MSN: variants seen among roughly 807,000 people sequenced by gnomAD.
MSN encodes moesin, also known as epididymis luminal protein 70.
MSN carries 2 observed loss-of-function variants against 48.0 expected under a neutral mutation model. The ratio of observed to expected loss-of-function variants is 0.04; its 90% CI spans 0.02 to 0.13. The LOEUF (loss-of-function observed/expected upper bound fraction) is 0.13, where lower values mean the gene tolerates loss of function less well. Ranked by LOEUF, MSN falls within the 10% of genes least tolerant of loss-of-function variation. The pLI is 1.00. For synonymous variants in MSN, 146 were observed against 166.9 expected, an observed-to-expected ratio of 0.87 and a Z score of 0.97; for missense variants, 267 against 470.1, an observed-to-expected ratio of 0.57 and a Z score of 3.99.
intron 1 of MSN, among the ~76,000 whole-genome samples, chrX:65,636,397 C>T (rs1288703910): frequency 9.0e-6 from 1 of 111,416 alleles, no homozygotes; most frequent in African/African-American, 3.3e-5. Flanking sequence ...CTCTTTGTCT[C>T]GTCCTCTCTC....
chrX:65,628,547 C>T (rs1410924137), intron 1 of MSN, among the ~76,000 whole-genome samples: 1 of 111,582 alleles, frequency 9.0e-6, no homozygotes, highest in Non-Finnish European at 1.9e-5. Context: ...CCACTTTTTC[C>T]TCCTCGGCCT....
At chrX:65,707,594 G>A (rs778007388) in intron 1 of MSN, among the ~76,000 whole-genome samples, 1 of 112,068 alleles carries the variant, frequency 8.9e-6, no homozygotes, top group Non-Finnish European at 1.9e-5. Context: ...CTGTATTCCT[G>A]TCAAACTGAA....
Position 65,735,428 on chromosome X carries a change from G to A in MSN, c.957G>A (p.Glu319=), listed in dbSNP as rs183569143. Reference sequence around the variant, plus strand: ...AGGAGAAGCACCAGAAGCAGATGGAGCGGTAGGTGCTGCACACTGATGTGG... The same window carrying A: ...AGGAGAAGCACCAGAAGCAGATGGAACGGTAGGTGCTGCACACTGATGTGG... ...AREEKHQKQM[E]RAMLENEKKK... Residue 319 remains glutamate, a splice_region_variant and synonymous_variant, in exon 8 of 13, where the codon GAG becomes GAA. Coordinates refer to ENST00000360270, the MANE Select transcript of MSN (RefSeq NM_002444.3). 1.7e-6 allele frequency: 2 copies of A among 1,200,912 alleles called. No homozygotes were observed. The highest frequency in any genetic ancestry group is 4.5e-5 in the Admixed American group (2 of 44,927).
At position 65,741,643 on chromosome X, in the gene MSN, AC is replaced by A; in HGVS notation, c.*1756del. On this transcript the variant is annotated 3_prime_UTR_variant, in exon 13 of 13. Coordinates refer to ENST00000360270, the MANE Select transcript of MSN (RefSeq NM_002444.3). ...CCTCCCTCAATTCCCCCTGGCCACC[AC>A]CCCCCACTCTGTGCCTGACCTTGAG... 2 of 168,321 alleles carry A rather than the reference AC, an allele frequency of 1.2e-5. No individual in the cohort carries two copies. Among genetic ancestry groups the A allele is most frequent in the Non-Finnish European group, 2.3e-5 (2 of 88,031 alleles). 13.9% of individuals were successfully genotyped at this position (168,321 alleles called of 1,213,427 possible).
chrX:65,609,122 G>C (rs950057764), intron 1 of MSN, among the ~76,000 whole-genome samples: 1 of 102,906 alleles, frequency 9.7e-6, no homozygotes, highest in African/African-American at 3.5e-5. Context: ...GAGCCCTGGA[G>C]CTATATATAC....
intron 1 of MSN, chrX:65,593,515 A>G (rs1050464715): frequency 4.5e-5 from 5 of 112,103 alleles, no homozygotes; most frequent in African/African-American, 1.6e-4. Context: ...GCAATAAACT[A>G]ATGACAAGAC....
At chrX:65,663,544 A>G (rs930176466), upstream of MSN, among the ~76,000 whole-genome samples, 1 of 111,994 alleles carries the variant, frequency 8.9e-6, no homozygotes, top group African/African-American at 3.2e-5. Flanking sequence ...TGGGCAAAGC[A>G]GTTTGAAGAT....
intron 1 of MSN, among the ~76,000 whole-genome samples, chrX:65,646,627 T>G (rs1434147751): frequency 8.9e-6 from 1 of 112,069 alleles, no homozygotes; most frequent in African/African-American, 3.2e-5. Context: ...AAGCAGTTTC[T>G]CATTATCCCG....
chrX:65,667,871 G>C lies in MSN; in HGVS notation c.12+18G>C. The stretch of plus-strand genomic sequence containing the variant: ...CCAAAACGGTGAGTGCCGGAGGTGG[G>C]CGCTGTCGACCCCAATGGCTCTGGC... On this transcript the variant is annotated intron_variant, in intron 1 of 12. Transcript: ENST00000360270. 1.4e-5 allele frequency: 17 copies of C among 1,207,178 alleles called. No homozygotes were observed. Among genetic ancestry groups the C allele is most frequent in the Non-Finnish European group, 1.8e-5 (16 of 892,529 alleles).
intron 1 of MSN, among the ~76,000 whole-genome samples, chrX:65,685,022 A>T (rs1374769375): frequency 8.9e-6 from 1 of 112,834 alleles, no homozygotes; most frequent in Non-Finnish European, 1.9e-5. Flanking sequence ...TAAAGGCGTG[A>T]GCCACCAATG....
chrX:65,731,313 C>T lies in MSN; in HGVS notation c.551+123C>T, dbSNP rs1481456278. On this transcript the variant is annotated intron_variant, in intron 5 of 12. Coordinates refer to ENST00000360270, the MANE Select transcript of MSN (RefSeq NM_002444.3). ...ATGTTGGAGAAAGAGGGAACAGGGACGATAGAAGGCAAACTAGGACCATTA... is the reference window on the plus strand; with the variant it reads ...ATGTTGGAGAAAGAGGGAACAGGGATGATAGAAGGCAAACTAGGACCATTA... 5.7e-5 allele frequency: 32 copies of T among 564,110 alleles called. No individual in the cohort carries two copies. The South Asian group carries it at 6.6e-4, about 12-fold the overall frequency. The allele number at this position is 564,110 out of a possible 1,213,427, so 46.5% of individuals were successfully genotyped here.
chrX:65,723,370 C>G (rs908192234), intron 2 of MSN, among the ~76,000 whole-genome samples: 1 of 111,616 alleles, frequency 9.0e-6, no homozygotes, highest in Non-Finnish European at 1.9e-5. Flanking sequence ...CCCCCTACCC[C>G]ATCCTACCAC....
intron 1 of MSN, among the ~76,000 whole-genome samples, chrX:65,632,259 C>T (rs772068558): frequency 7.4e-4 from 83 of 111,469 alleles, no homozygotes; most frequent in African/African-American, 7.5e-4. Flanking sequence ...GGAAGTTTGG[C>T]CCCCTTTTAC....
At chrX:65,722,715 G>A (rs967929563) in intron 2 of MSN, among the ~76,000 whole-genome samples, 6 of 110,825 alleles carry the variant, frequency 5.4e-5, no homozygotes, top group Non-Finnish European at 7.6e-5. Flanking sequence ...CACTGCGCCC[G>A]GCCATGCTCT....
In MSN at chrX:65,729,458, G is replaced by T; in HGVS notation, c.213G>T (p.Arg71=). Residue 71 remains arginine (R), a synonymous_variant, in exon 4 of 13, where the codon CGG becomes CGT. Transcript: ENST00000360270. ...LNKKVTAQDV[R]KESPLLFKFR... The stretch of plus-strand genomic sequence containing the variant: ...CCCAGGTGACTGCCCAGGATGTGCG[G>T]AAGGAAAGCCCCCTGCTCTTTAAGT... The T allele has an allele frequency of 8.3e-7, 1 of 1,210,933 alleles. No homozygotes were observed. The highest frequency in any genetic ancestry group is 1.1e-6 in the Non-Finnish European group (1 of 895,142).
chrX:65,708,831 C>T (rs1014468283), intron 1 of MSN, among the ~76,000 whole-genome samples: 8 of 109,933 alleles, frequency 7.3e-5, no homozygotes, highest in East Asian at 2.9e-4. Flanking sequence ...TACAGGCACA[C>T]GCCATCACAC....
intron 1 of MSN, among the ~76,000 whole-genome samples, chrX:65,617,844 A>G (rs2148358293): frequency 9.1e-6 from 1 of 110,173 alleles, no homozygotes; most frequent in Admixed American, 9.7e-5. Context: ...GTGGACATTT[A>G]GTGCTATAAA....
chrX:65,731,943 G>C lies in MSN; in HGVS notation c.657G>C (p.Gly219=), dbSNP rs2071626634. ...AGAAAGGCTCAGAGCTGTGGCTGGG[G>C]GTGGATGCCCTGGGTCTCAACATCT... The part of the protein sequence containing the change: ...KNKKGSELWL[G]VDALGLNIYE... The change falls in exon 6 of 13, where the codon GGG becomes GGC. Residue 219 remains glycine (G), a synonymous_variant. Transcript: ENST00000360270. The C allele has an allele frequency of 8.3e-7, 1 of 1,210,185 alleles. No individual in the cohort carries two copies. Among genetic ancestry groups the C allele is most frequent in the East Asian group, 3.0e-5 (1 of 33,803 alleles).
chrX:65,658,572 G>T (rs1450484798), intron 1 of MSN, among the ~76,000 whole-genome samples: 3 of 110,682 alleles, frequency 2.7e-5, no homozygotes, highest in Non-Finnish European at 5.6e-5. Flanking sequence ...TGAATTGTTG[G>T]GGTCAGGGGG....
Sources: allele counts gnomAD v4.1 joint callset (sites outside exome capture counted in the v4.1 genomes callset), GRCh38; gene constraint gnomAD v4.1.1; transcripts MANE v1.5; gene names NCBI Gene and HGNC (gene_info 2026-07-23, HGNC 2026-07-21).